The following KDM4C variants were observed in gnomAD, a reference collection of about 807,000 sequenced individuals.
KDM4C encodes the protein lysine-specific demethylase 4C.
KDM4C carries 81 observed loss-of-function variants against 129.3 expected under a neutral mutation model. The observed-to-expected ratio is 0.63, with a 90% confidence interval of 0.52 to 0.75. The LOEUF (loss-of-function observed/expected upper bound fraction) is 0.75, where lower values mean the gene tolerates loss of function less well. Among genes scored for constraint, KDM4C ranks in the 30% least tolerant of loss-of-function variants. The pLI, the probability that KDM4C is intolerant of heterozygous loss-of-function variation, is 0.00. For missense variants in KDM4C, 1,457 were observed against 1,304.0 expected, an observed-to-expected ratio of 1.12 and a Z score of -1.81; for synonymous variants, 573 against 456.1, an observed-to-expected ratio of 1.26 and a Z score of -3.26.
chr9:6,966,414 C>T (rs1376666901), intron 8 of KDM4C, among the ~76,000 whole-genome samples: 1 of 152,220 alleles, frequency 6.6e-6, no homozygotes, highest in African/African-American at 2.4e-5. Flanking sequence ...TCGTGATCCG[C>T]CCGCCTCTGC....
At chr9:7,088,063 C>T (rs965695093) in intron 17 of KDM4C, among the ~76,000 whole-genome samples, 12 of 152,306 alleles carry the variant, frequency 7.9e-5, no homozygotes, top group South Asian at 2.1e-4. Flanking sequence ...CTTCTGGTGG[C>T]GGGGCAGAGA....
chr9:6,931,766 G>A (rs1156758077), intron 8 of KDM4C, among the ~76,000 whole-genome samples: 1 of 152,200 alleles, frequency 6.6e-6, no homozygotes, highest in African/African-American at 2.4e-5. Context: ...CTCCCAAAGT[G>A]TTGGGATTAC....
At chr9:6,822,227 T>G (rs1316261965) in intron 4 of KDM4C, among the ~76,000 whole-genome samples, 1 of 152,220 alleles carries the variant, frequency 6.6e-6, no homozygotes, top group African/African-American at 2.4e-5. Flanking sequence ...TGCACTACCG[T>G]GGCAGAGGTG....
chr9:6,721,345 G>A (rs549321315), intron 1 of KDM4C, among the ~76,000 whole-genome samples: 40 of 140,304 alleles, frequency 2.9e-4, no homozygotes, highest in African/African-American at 8.3e-4. Flanking sequence ...GGGCAGTGGC[G>A]CAATCTGGGC....
intron 8 of KDM4C, among the ~76,000 whole-genome samples, chr9:6,968,018 T>C (rs1388103315): frequency 6.6e-6 from 1 of 152,252 alleles, no homozygotes; most frequent in African/African-American, 2.4e-5. Context: ...GCTTTACATT[T>C]ATCATTGTAC....
At chr9:6,794,972 A>G (rs542475173) in intron 2 of KDM4C, among the ~76,000 whole-genome samples, 127 of 152,354 alleles carry the variant, frequency 8.3e-4, no homozygotes, top group African/African-American at 2.9e-3. Context: ...TTTCCCATGG[A>G]AGAATATATT....
intron 8 of KDM4C, among the ~76,000 whole-genome samples, chr9:6,958,031 G>A (rs543600662): frequency 1.9e-4 from 29 of 151,838 alleles, no homozygotes; most frequent in Admixed American, 3.9e-4. Context: ...GAGAACAATT[G>A]TAGACATATA....
Position 7,115,841 on chromosome 9 carries a change from A to G in KDM4C, c.2610+11971A>G, listed in dbSNP as rs1029240893. Reference sequence around the variant, plus strand: ...CTTATCTTCTTTGTCATGTCCTTCCATGGAATATTGGAGCATCCTGGGCTC... The same window carrying G: ...CTTATCTTCTTTGTCATGTCCTTCCGTGGAATATTGGAGCATCCTGGGCTC... On this transcript the variant is annotated intron_variant, in intron 18 of 21. Transcript: ENST00000381309. Among the ~76,000 whole-genome samples the G allele has an allele frequency of 3.3e-5, 5 of 152,218 alleles. No homozygotes were observed. The South Asian group carries it at 8.3e-4, about 25-fold the overall frequency.
intron 17 of KDM4C, among the ~76,000 whole-genome samples, chr9:7,071,481 A>G (rs1419525725): frequency 6.6e-6 from 1 of 152,200 alleles, no homozygotes; most frequent in Non-Finnish European, 1.5e-5. Flanking sequence ...AGGACTAGAC[A>G]CATACACCTA....
intron 8 of KDM4C, among the ~76,000 whole-genome samples, chr9:6,897,751 T>C (rs1456811229): frequency 1.3e-5 from 2 of 152,148 alleles, no homozygotes; most frequent in African/African-American, 2.4e-5. Flanking sequence ...ACTTGCAAAG[T>C]TGTAGTATTA....
At chr9:6,792,068 G>A (rs548782462) in intron 1 of KDM4C, among the ~76,000 whole-genome samples, 38 of 151,588 alleles carry the variant, frequency 2.5e-4, no homozygotes, top group African/African-American at 8.9e-4. Flanking sequence ...GTCTGGGCTC[G>A]GTAGCTCACA....
At chr9:6,944,607 T>C (rs574498547) in intron 8 of KDM4C, among the ~76,000 whole-genome samples, 13 of 145,666 alleles carry the variant, frequency 8.9e-5, no homozygotes, top group East Asian at 2.2e-4. Context: ...TTTCTGTAAA[T>C]GTCCTCTAAA....
intron 15 of KDM4C, among the ~76,000 whole-genome samples, chr9:7,040,027 A>G (rs1391237082): frequency 3.9e-5 from 6 of 152,104 alleles, no homozygotes; most frequent in Admixed American, 3.9e-4. Context: ...CTTAGAATTC[A>G]ATACTGGGAA....
intron 17 of KDM4C, among the ~76,000 whole-genome samples, chr9:7,082,242 C>T (rs558124002): frequency 6.6e-6 from 1 of 152,122 alleles, no homozygotes; most frequent in African/African-American, 2.4e-5. Context: ...TTCTTTCCAC[C>T]TTAGCCCACC....
At chr9:6,995,871 C>G (rs1052695227) in intron 12 of KDM4C, among the ~76,000 whole-genome samples, 1 of 146,700 alleles carries the variant, frequency 6.8e-6, no homozygotes, top group Non-Finnish European at 1.5e-5. Context: ...TGGGGTTTCA[C>G]TGTGTTAGCC....
At position 7,100,687 on chromosome 9, in the gene KDM4C, T is replaced by G. The variant is rs73409561; in HGVS notation, c.2425-2998T>G. On this transcript the variant is annotated intron_variant, in intron 17 of 21. Coordinates refer to ENST00000381309, the MANE Select transcript of KDM4C (RefSeq NM_015061.6). ...GTTAAAAACATTCTGAGTGGCACTGTTTTTAAAATAATTACCTCATGTTGA... is the reference window on the plus strand; with the variant it reads ...GTTAAAAACATTCTGAGTGGCACTGGTTTTAAAATAATTACCTCATGTTGA... Among the ~76,000 whole-genome samples the G allele has an allele frequency of 6.1e-3, 935 of 152,264 alleles. 10 individuals are homozygous for G. Among genetic ancestry groups the G allele is most frequent in the African/African-American group, 0.021 (875 of 41,540 alleles).
In KDM4C at chr9:7,066,877, C is replaced by A. The variant is rs138740102; in HGVS notation, c.2424+17677C>A. Among the ~76,000 whole-genome samples the A allele has an allele frequency of 5.5e-3, 838 of 152,240 alleles. 12 individuals carry two copies. The highest frequency in any genetic ancestry group is 0.018 in the African/African-American group (754 of 41,552). On this transcript the variant is annotated intron_variant, in intron 17 of 21. Coordinates refer to ENST00000381309, the MANE Select transcript of KDM4C (RefSeq NM_015061.6). ...AGAGATAATTATCTTTTGATATTATCCTCTTCTTACGTTTCTCAAAGCAAT... is the reference window on the plus strand; with the variant it reads ...AGAGATAATTATCTTTTGATATTATACTCTTCTTACGTTTCTCAAAGCAAT...
intron 14 of KDM4C, among the ~76,000 whole-genome samples, chr9:7,015,384 T>C (rs964725078): frequency 6.6e-6 from 1 of 152,174 alleles, no homozygotes; most frequent in Non-Finnish European, 1.5e-5. Context: ...GTGAACTGAA[T>C]AGACAAATCG....
At chr9:6,830,215 G>T (rs751613619) in intron 4 of KDM4C, among the ~76,000 whole-genome samples, 3 of 152,252 alleles carry the variant, frequency 2.0e-5, no homozygotes, top group Non-Finnish European at 4.4e-5. Context: ...ACAGTGGTAT[G>T]TGAGGAAACC....
Sources: gnomAD v4.1 joint callset for allele counts (sites outside exome capture counted in the v4.1 genomes callset) on GRCh38, gnomAD v4.1.1 for gene constraint, MANE v1.5 for transcripts, NCBI Gene and HGNC (gene_info 2026-07-23, HGNC 2026-07-21) for gene names.